CFAP54: variants seen among roughly 807,000 people sequenced by gnomAD.
The protein encoded by CFAP54 is cilia and flagella associated protein 54.
A neutral mutation model predicts 370.4 loss-of-function variants in CFAP54; 290 were observed. The ratio of observed to expected loss-of-function variants is 0.78; its 90% CI spans 0.71 to 0.86. The LOEUF (loss-of-function observed/expected upper bound fraction) is 0.86, where lower values mean the gene tolerates loss of function less well. CFAP54 is among the 40% of genes least tolerant of loss of function. The pLI is 0.00. For missense variants in CFAP54, 3,399 were observed against 3,528.7 expected (o/e 0.96, Z 0.93); for synonymous variants, 1,206 against 1,236.5 (o/e 0.98, Z 0.52).
chr12:96,814,400 G>C (rs1958955922), intron 64 of CFAP54, among the ~76,000 whole-genome samples: 2 of 152,178 alleles, frequency 1.3e-5, no homozygotes, highest in Non-Finnish European at 1.5e-5. Context: ...CTCAGGGTCA[G>C]AGAGATTAAG....
intron 60 of CFAP54, among the ~76,000 whole-genome samples, chr12:96,770,932 G>A (rs1958454012): frequency 3.3e-5 from 5 of 152,252 alleles, no homozygotes; most frequent in African/African-American, 1.2e-4. Context: ...CAGAATTGAT[G>A]CTTCTAGTCA....
In CFAP54 at chr12:96,644,202, A is replaced by G; in HGVS notation, c.4341A>G (p.Lys1447=). The change falls in exon 33 of 68, where the codon AAA becomes AAG. Residue 1447 remains lysine, a synonymous_variant. Transcript: ENST00000524981. ...GAAATAGGAGAACCAGTGTTAGGAA[A>G]GCAGCACAACGATACCTGATGGATT... The part of the protein sequence containing the change: ...HERNRRTSVR[K]AAQRYLMDYL... 6.5e-7 allele frequency: 1 copy of G among 1,535,484 alleles called. No individual in the cohort carries two copies. The highest frequency in any genetic ancestry group is 1.4e-5 in the African/African-American group (1 of 73,150).
chr12:96,783,511 C>G (rs917697630), intron 60 of CFAP54, among the ~76,000 whole-genome samples: 13 of 152,200 alleles, frequency 8.5e-5, no homozygotes, highest in Non-Finnish European at 1.8e-4. Flanking sequence ...GTATCATACT[C>G]TATATCACCT....
chr12:96,873,780 A>G (rs559220358), intron 67 of CFAP54, among the ~76,000 whole-genome samples: 3 of 152,214 alleles, frequency 2.0e-5, no homozygotes, highest in Non-Finnish European at 4.4e-5. Context: ...TATAATTTTC[A>G]TGTGCCATGA....
chr12:96,642,467 T>G (rs1388031375), intron 32 of CFAP54, among the ~76,000 whole-genome samples: 2 of 152,186 alleles, frequency 1.3e-5, no homozygotes, highest in Non-Finnish European at 2.9e-5. Flanking sequence ...CATATCTATC[T>G]AAATATAGCT....
At chr12:96,684,503 G>A in intron 40 of CFAP54, 145 bp from the exon 41 acceptor site, 1 of 626,604 alleles carries the variant, frequency 1.6e-6, no homozygotes, top group Non-Finnish European at 2.8e-6. Context: ...TATATCGTGT[G>A]ACATTTGAAG....
intron 55 of CFAP54, among the ~76,000 whole-genome samples, chr12:96,744,678 G>A (rs1565962557): frequency 6.6e-6 from 1 of 152,094 alleles, no homozygotes; most frequent in Admixed American, 6.5e-5. Context: ...CAAAAAAATA[G>A]TTTATTTTTT....
At position 96,626,884 on chromosome 12, in the gene CFAP54, GA is replaced by G; in HGVS notation, c.4053del (p.Lys1351AsnfsTer6). On this transcript the variant is annotated frameshift_variant, in exon 30 of 68. Transcript: ENST00000524981. LOFTEE classifies it high-confidence loss of function. ...AGTTATGCTAAAATGCATGAATGAG[GA>G]AAAATTTCATCTTATGGTAGAGGTA... ...TQVMLKCMNE[E>X]KFHLMVEVTT... is the part of the protein sequence containing the mutation. The G allele has an allele frequency of 7.0e-7, 1 of 1,431,350 alleles. No homozygotes were observed. Among genetic ancestry groups the G allele is most frequent in the Non-Finnish European group, 9.2e-7 (1 of 1,085,140 alleles). The allele number at this position is 1,431,350 out of a possible 1,614,324, so 88.7% of individuals were successfully genotyped here. A position where few individuals can be genotyped will look rare whatever the true frequency, so the allele number is the denominator to read the frequency against.
chr12:96,724,432 A>T (rs184040516), intron 50 of CFAP54, among the ~76,000 whole-genome samples: 1 of 152,128 alleles, frequency 6.6e-6, no homozygotes, highest in Non-Finnish European at 1.5e-5. Flanking sequence ...GCCAGTGATG[A>T]TGAGCATTTT....
At chr12:96,781,084 C>T (rs913235027) in intron 60 of CFAP54, among the ~76,000 whole-genome samples, 1 of 152,038 alleles carries the variant, frequency 6.6e-6, no homozygotes, top group Non-Finnish European at 1.5e-5. Context: ...GGAAAGGGCC[C>T]TCAGTATTGC....
intron 39 of CFAP54, among the ~76,000 whole-genome samples, chr12:96,664,723 A>ATT (rs1957048829): frequency 8.1e-5 from 1 of 12,376 alleles, no homozygotes; most frequent in Non-Finnish European, 2.1e-4. Context: ...ATCTATATAT[A>ATT]TCTATATATA....
chr12:96,629,788 T>C (rs1006528931), intron 30 of CFAP54, among the ~76,000 whole-genome samples: 1 of 152,214 alleles, frequency 6.6e-6, no homozygotes, highest in Admixed American at 6.5e-5. Context: ...TTCCAAGATA[T>C]GAACATTTTA....
chr12:96,645,249 A>G, intron 33 of CFAP54: 3 of 426,386 alleles, frequency 7.0e-6, no homozygotes, highest in Non-Finnish European at 1.4e-5. Flanking sequence ...CTGTGTAGCT[A>G]TTAAAAAGAT....
chr12:96,530,804 A>G (rs1955434171), intron 9 of CFAP54, among the ~76,000 whole-genome samples: 1 of 152,222 alleles, frequency 6.6e-6, no homozygotes, highest in African/African-American at 2.4e-5. Flanking sequence ...GCAATGTGTA[A>G]ATGATCCAGT....
intron 1 of CFAP54, among the ~76,000 whole-genome samples, chr12:96,498,865 T>C (rs1333719935): frequency 6.6e-6 from 1 of 152,218 alleles, no homozygotes; most frequent in Non-Finnish European, 1.5e-5. Context: ...GGAGAAAATA[T>C]TTGCAGAAGA....
At chr12:96,742,289 T>G (rs941286330) in intron 51 of CFAP54, 150 bp from the exon 52 acceptor site, 1 of 557,060 alleles carries the variant, frequency 1.8e-6, no homozygotes, top group Non-Finnish European at 3.0e-6. Context: ...TTTTATATTT[T>G]ATAGAATGTG....
Position 96,860,800 on chromosome 12 carries a change from C to T in CFAP54, c.9172-19C>T. 6.6e-7 allele frequency: 1 copy of T among 1,514,870 alleles called. No individual in the cohort carries two copies. Among genetic ancestry groups the T allele is most frequent in the East Asian group, 2.5e-5 (1 of 40,378 alleles). The allele number at this position is 1,514,870 out of a possible 1,614,324, so 93.8% of individuals were successfully genotyped here. A position where few individuals can be genotyped will look rare whatever the true frequency, so the allele number is the denominator to read the frequency against. On this transcript the variant is annotated intron_variant, in intron 66 of 67. Transcript: ENST00000524981. ...TTTGAAACAATGCATTTCATGAACA[C>T]TTTTATGTTTTTCCTCAGGTCCCAT...
chr12:96,658,172 T>G (rs1478257049), intron 37 of CFAP54, 39 bp from the exon 38 acceptor site: 2 of 1,585,982 alleles, frequency 1.3e-6, no homozygotes, highest in Non-Finnish European at 1.7e-6. Flanking sequence ...GTCTTTTAAC[T>G]AATGTTTTCT....
At chr12:96,675,757 C>T (rs889218490) in intron 39 of CFAP54, among the ~76,000 whole-genome samples, 1 of 152,014 alleles carries the variant, frequency 6.6e-6, no homozygotes, top group Admixed American at 6.6e-5. Context: ...ACTATGCAGC[C>T]ATAAAAAATG....
Sources: allele counts gnomAD v4.1 joint callset (sites outside exome capture counted in the v4.1 genomes callset), GRCh38; gene constraint gnomAD v4.1.1; transcripts MANE v1.5; gene names NCBI Gene and HGNC (gene_info 2026-07-23, HGNC 2026-07-21).